SLC22A3: variants seen among roughly 807,000 people sequenced by gnomAD.
The protein encoded by SLC22A3 is solute carrier family 22 member 3.
SLC22A3 carries 51 observed loss-of-function variants against 59.1 expected under a neutral mutation model. The observed-to-expected ratio is 0.86, with a 90% CI of 0.69 to 1.09. The LOEUF (loss-of-function observed/expected upper bound fraction) is 1.09, where lower values mean the gene tolerates loss of function less well. Among genes scored for constraint, SLC22A3 ranks in the 50% least tolerant of loss-of-function variants. SLC22A3 has a pLI of 0.00. For missense variants in SLC22A3, 711 were observed against 726.3 expected, an observed-to-expected ratio of 0.98 and a Z score of 0.24; for synonymous variants, 325 against 292.0, an observed-to-expected ratio of 1.11 and a Z score of -1.15.
intron 5 of SLC22A3, among the ~76,000 whole-genome samples, chr6:160,417,189 T>G (rs1296027719): frequency 6.6e-6 from 1 of 152,124 alleles, no homozygotes; most frequent in East Asian, 1.9e-4. Context: ...GGAGCAGAAG[T>G]GGCAGAATAT....
chr6:160,360,142 A>G (rs1341570287), intron 1 of SLC22A3, among the ~76,000 whole-genome samples: 1 of 152,178 alleles, frequency 6.6e-6, no homozygotes, highest in African/African-American at 2.4e-5. Flanking sequence ...TTTAAACCAT[A>G]TAACCTGTCA....
Position 160,437,173 on chromosome 6 carries a change from C to T in SLC22A3, c.1250C>T (p.Ala417Val), listed in dbSNP as rs749488122. Residue 417 changes from alanine to valine, a missense_variant, in exon 7 of 11, where the codon GCA becomes GTA. Transcript: ENST00000275300. ...RLPFAASNIV[A>V]GVACLVTAFL... ...CCCTTTGCGGCAAGCAATATAGTGG[C>T]AGGGGTGGCATGCCTTGTCACTGCG... 1.1e-5 allele frequency: 17 copies of T among 1,614,004 alleles called. No individual in the cohort carries two copies. The highest frequency in any genetic ancestry group is 1.3e-5 in the Non-Finnish European group (15 of 1,179,982).
intron 5 of SLC22A3, among the ~76,000 whole-genome samples, chr6:160,433,075 C>T (rs996004157): frequency 3.9e-5 from 6 of 152,206 alleles, no homozygotes; most frequent in Non-Finnish European, 8.8e-5. Context: ...TATGTATCGT[C>T]TATGACTGTT....
intron 2 of SLC22A3, among the ~76,000 whole-genome samples, chr6:160,399,845 G>C (rs923165977): frequency 6.6e-6 from 1 of 152,074 alleles, no homozygotes; most frequent in Non-Finnish European, 1.5e-5. Flanking sequence ...AGATCCATAA[G>C]AGAAGTGAGA....
chr6:160,351,810 C>T (rs539958), intron 1 of SLC22A3, among the ~76,000 whole-genome samples: 76,196 of 151,966 alleles, frequency 0.5, 19,423 homozygotes, highest in African/African-American at 0.59. Context: ...GTCCTGGCTT[C>T]ATAGAAGAGA....
intron 9 of SLC22A3, among the ~76,000 whole-genome samples, chr6:160,445,191 T>C (rs1374784160): frequency 3.8e-4 from 58 of 152,208 alleles, no homozygotes; most frequent in Non-Finnish European, 1.3e-4. Context: ...ACAGGGACCC[T>C]TGACCCCTGA....
chr6:160,390,165 T>A (rs1356184479), intron 1 of SLC22A3, among the ~76,000 whole-genome samples: 1 of 152,200 alleles, frequency 6.6e-6, no homozygotes, highest in Non-Finnish European at 1.5e-5. Context: ...ATGGCTATGA[T>A]CCACTTGTTA....
chr6:160,438,767 C>T (rs1287031923), intron 7 of SLC22A3, among the ~76,000 whole-genome samples: 2 of 152,124 alleles, frequency 1.3e-5, no homozygotes, highest in African/African-American at 2.4e-5. Flanking sequence ...AAACAACAGA[C>T]ATTTATGCTC....
intron 1 of SLC22A3, among the ~76,000 whole-genome samples, chr6:160,392,464 T>C (rs577028070): frequency 7.2e-5 from 11 of 152,216 alleles, no homozygotes; most frequent in Non-Finnish European, 1.0e-4. Flanking sequence ...TCCCAAACTA[T>C]ATAACAAGTA....
chr6:160,382,054 CT>C (rs1350736577), intron 1 of SLC22A3, among the ~76,000 whole-genome samples: 8 of 152,162 alleles, frequency 5.3e-5, no homozygotes, highest in African/African-American at 1.9e-4. Context: ...GCAATATTAT[CT>C]TGTAGGTATT....
chr6:160,435,578 C>T (rs1788307678), intron 5 of SLC22A3, among the ~76,000 whole-genome samples: 1 of 152,108 alleles, frequency 6.6e-6, no homozygotes, highest in Admixed American at 6.6e-5. Context: ...ATTGAATTTA[C>T]TGTTTAGAAT....
chr6:160,397,732 C>CAAAAAAAAAAAAAA (rs201152865), intron 1 of SLC22A3, among the ~76,000 whole-genome samples: 1 of 88,194 alleles, frequency 1.1e-5, no homozygotes. Context: ...GACTCCATCT[C>CAAAAAAAAAAAAAA]AAAAAAAAAA....
chr6:160,378,250 C>T (rs1054146585), intron 1 of SLC22A3, among the ~76,000 whole-genome samples: 1 of 152,132 alleles, frequency 6.6e-6, no homozygotes, highest in Admixed American at 6.5e-5. Flanking sequence ...AAAAAAGATA[C>T]ACATTAAACT....
At chr6:160,398,235 G>T (rs547450518) in intron 2 of SLC22A3, among the ~76,000 whole-genome samples, 153 bp downstream of exon 2, 1 of 152,284 alleles carries the variant, frequency 6.6e-6, no homozygotes, top group Admixed American at 6.5e-5. Context: ...CACTTGGTTG[G>T]TTTGACTAAT....
intron 5 of SLC22A3, among the ~76,000 whole-genome samples, chr6:160,434,031 C>T (rs1788252065): frequency 1.3e-5 from 2 of 152,126 alleles, no homozygotes; most frequent in African/African-American, 4.8e-5. Flanking sequence ...CAGGGAATCC[C>T]TGGAGAGAGA....
At position 160,437,122 on chromosome 6, in the gene SLC22A3, C is replaced by A. The variant is rs8187725; in HGVS notation, c.1199C>A (p.Thr400Asn). Reference protein sequence around the residue: ...ELPGALLILLTIERLGRRLPF... With the variant: ...ELPGALLILLNIERLGRRLPF... ...CCAGGAGCTCTCTTGATCTTACTAACCATTGAGCGCCTTGGACGACGCCTC... is the reference window on the plus strand; with the variant it reads ...CCAGGAGCTCTCTTGATCTTACTAAACATTGAGCGCCTTGGACGACGCCTC... Residue 400 changes from threonine (T) to asparagine (N), a missense_variant, in exon 7 of 11, where the codon ACC becomes AAC. Physicochemically the swap from Thr to Asn is moderately conservative, Grantham distance 65 (BLOSUM62 0). Transcript: ENST00000275300. 2.5e-6 allele frequency: 4 copies of A among 1,614,178 alleles called. No individual in the cohort carries two copies. In the Admixed American group the frequency reaches 6.7e-5, roughly 27 times the overall value.
intron 1 of SLC22A3, among the ~76,000 whole-genome samples, chr6:160,384,071 A>AG (rs775201340): frequency 3.9e-5 from 6 of 152,166 alleles, no homozygotes; most frequent in Non-Finnish European, 5.9e-5. Context: ...CTGGGATTAC[A>AG]GGCGCACACC....
In SLC22A3 at chr6:160,420,260, G is replaced by T. The variant is rs182872718; in HGVS notation, c.975+9414G>T. Among the ~76,000 whole-genome samples the T allele has an allele frequency of 8.5e-5, 13 of 152,276 alleles. No individual in the cohort carries two copies. The East Asian group carries it at 2.5e-3, about 29-fold the overall frequency. ...CTTTAAAGAATGAGATTGCAGCCTT[G>T]GAGCAGGCTAGGCAGACTTGTGGGA... On this transcript the variant is annotated intron_variant, in intron 5 of 10. Transcript: ENST00000275300.
At chr6:160,386,378 A>G (rs984219353) in intron 1 of SLC22A3, among the ~76,000 whole-genome samples, 5 of 152,328 alleles carry the variant, frequency 3.3e-5, no homozygotes, top group South Asian at 2.1e-4. Context: ...TTTGTCCCCA[A>G]TTGCATTCTT....
Sources: allele counts gnomAD v4.1 joint callset (sites outside exome capture counted in the v4.1 genomes callset), GRCh38; gene constraint gnomAD v4.1.1; transcripts MANE v1.5; gene names NCBI Gene and HGNC (gene_info 2026-07-23, HGNC 2026-07-21).